The following SRGAP2B variants were observed in gnomAD, a reference collection of about 807,000 sequenced individuals.
The protein encoded by SRGAP2B is SLIT-ROBO Rho GTPase-activating protein 2B.
In SRGAP2B, 9 loss-of-function variants were observed where a neutral mutation model predicts 22.2. The ratio of observed to expected loss-of-function variants is 0.41; its 90% confidence interval spans 0.24 to 0.71. SRGAP2B has a LOEUF of 0.71. SRGAP2B is among the 30% of genes least tolerant of loss of function. SRGAP2B has a pLI of 0.35. For missense variants in SRGAP2B, 114 were observed against 235.8 expected (o/e 0.48, Z 3.38); for synonymous variants, 36 against 87.4 (o/e 0.41, Z 3.28).
chr1:144,993,221 C>A (rs1670395642), intron 3 of SRGAP2B, among the ~76,000 whole-genome samples: 1 of 151,046 alleles, frequency 6.6e-6, no homozygotes, highest in Non-Finnish European at 1.5e-5. Context: ...TGTAGAGGGG[C>A]TTAAAGACCA....
chr1:145,030,722 AT>A (rs1440120990), intron 2 of SRGAP2B, among the ~76,000 whole-genome samples: 307 of 28,836 alleles, frequency 0.011, no homozygotes, highest in Middle Eastern at 0.017. Flanking sequence ...AAAAAAAAAA[AT>A]ATATATATAT....
At chr1:144,905,034 C>T (rs1451440456) in intron 7 of SRGAP2B, 57 bp downstream of exon 7, 25 of 717,992 alleles carry the variant, frequency 3.5e-5, no homozygotes, top group African/African-American at 1.1e-4. Context: ...GAATGTCTGA[C>T]GAGTATTCTG....
chr1:144,925,618 TG>T (rs1664613135), intron 4 of SRGAP2B, among the ~76,000 whole-genome samples: 1 of 121,236 alleles, frequency 8.2e-6, no homozygotes, highest in Non-Finnish European at 1.6e-5. Flanking sequence ...CCCTCCAGCC[TG>T]GGTGACAGAG....
intron 2 of SRGAP2B, among the ~76,000 whole-genome samples, chr1:145,039,334 G>A: frequency 2.4e-5 from 1 of 41,318 alleles, no homozygotes; most frequent in African/African-American, 9.0e-5. Flanking sequence ...AATTAGCTGG[G>A]CTTGGTGGCA....
chr1:145,020,998 T>G (rs1359643718), intron 2 of SRGAP2B, among the ~76,000 whole-genome samples: 1 of 150,262 alleles, frequency 6.7e-6, no homozygotes, highest in African/African-American at 2.5e-5. Context: ...GCATTTTTAG[T>G]ATTTTTCACC....
chr1:144,988,999 C>CTTTTTTTTTTTTTTTTTTTTTTTTTTT (rs3062880), intron 3 of SRGAP2B, among the ~76,000 whole-genome samples: 1 of 55,082 alleles, frequency 1.8e-5, no homozygotes, highest in Non-Finnish European at 3.0e-5. Flanking sequence ...ACTCCCCCCA[C>CTTTTTTTTTTTTTTTTTTTTTTTTTTT]TTTTTTTTTT....
At chr1:144,910,618 G>A (rs1407941802) in intron 5 of SRGAP2B, among the ~76,000 whole-genome samples, 1 of 134,232 alleles carries the variant, frequency 7.4e-6, no homozygotes, top group Non-Finnish European at 1.6e-5. Flanking sequence ...CAATTCTAGA[G>A]CTTCCTTGAC....
At chr1:144,951,165 T>A (rs1666828532) in intron 4 of SRGAP2B, among the ~76,000 whole-genome samples, 1 of 149,936 alleles carries the variant, frequency 6.7e-6, no homozygotes, top group Non-Finnish European at 1.5e-5. Flanking sequence ...TTGTTTTTTG[T>A]TTTTTGTTTT....
chr1:144,888,765 T>C (rs2101647890), exon 10 of SRGAP2B: 1 of 70,732 alleles, frequency 1.4e-5, no homozygotes, highest in Admixed American at 1.5e-4. Flanking sequence ...GACTCTCCCA[T>C]GTACGTGAAT....
At chr1:144,952,916 G>GTA (rs1666988886) in intron 4 of SRGAP2B, among the ~76,000 whole-genome samples, 2 of 149,170 alleles carry the variant, frequency 1.3e-5, no homozygotes, top group African/African-American at 5.1e-5. Flanking sequence ...TGGGATTACA[G>GTA]GAATGATCCA....
At chr1:144,966,367 C>A (rs1236223524) in intron 3 of SRGAP2B, among the ~76,000 whole-genome samples, 38 of 148,836 alleles carry the variant, frequency 2.6e-4, no homozygotes, top group South Asian at 6.3e-4. Flanking sequence ...ATTTTCAACC[C>A]AGAATTTCAT....
At chr1:144,998,662 A>C (rs1408825652) in intron 2 of SRGAP2B, among the ~76,000 whole-genome samples, 8 of 151,102 alleles carry the variant, frequency 5.3e-5, no homozygotes, top group African/African-American at 2.0e-4. Flanking sequence ...AAGGAAAAAG[A>C]AGAAAGGAAG....
chr1:144,970,661 C>A (rs6662764), intron 3 of SRGAP2B, among the ~76,000 whole-genome samples: 1,709 of 113,964 alleles, frequency 0.015, 1 homozygote, highest in African/African-American at 0.027. Context: ...AAAAAAAAAG[C>A]ATGATTCAGT....
intron 3 of SRGAP2B, among the ~76,000 whole-genome samples, chr1:144,974,118 C>T (rs1668733071): frequency 6.7e-6 from 1 of 150,216 alleles, no homozygotes; most frequent in Non-Finnish European, 1.5e-5. Flanking sequence ...CAACACAGTC[C>T]CATCCTGATG....
chr1:145,019,167 A>C (rs1343136299), intron 2 of SRGAP2B, among the ~76,000 whole-genome samples: 49 of 15,358 alleles, frequency 3.2e-3, no homozygotes, highest in Middle Eastern at 0.056. Context: ...AAATAAGGAG[A>C]CCTTGTCTCT....
chr1:144,950,896 T>G (rs1666805234), intron 4 of SRGAP2B, among the ~76,000 whole-genome samples: 1 of 150,848 alleles, frequency 6.6e-6, no homozygotes. Flanking sequence ...TTGCCTAGAC[T>G]GAAGTGCAAC....
chr1:145,015,647 T>C (rs1162282788), intron 2 of SRGAP2B, among the ~76,000 whole-genome samples: 1 of 149,434 alleles, frequency 6.7e-6, no homozygotes, highest in Non-Finnish European at 1.5e-5. Flanking sequence ...GAATTACCTA[T>C]GGGAAGAAGG....
intron 2 of SRGAP2B, among the ~76,000 whole-genome samples, chr1:145,008,727 G>A (rs1485476879): frequency 1.6e-5 from 2 of 126,890 alleles, no homozygotes; most frequent in Non-Finnish European, 3.2e-5. Context: ...CCCAGCAACC[G>A]TCATCATTCA....
intron 4 of SRGAP2B, among the ~76,000 whole-genome samples, chr1:144,927,021 T>G (rs1553346537): frequency 8.5e-6 from 1 of 117,244 alleles, no homozygotes; most frequent in African/African-American, 3.5e-5. Flanking sequence ...ATGATCTCGT[T>G]TCACTGCAAG....
Sources: gnomAD v4.1 joint callset for allele counts (sites outside exome capture counted in the v4.1 genomes callset) on GRCh38, gnomAD v4.1.1 for gene constraint, MANE v1.5 for transcripts, NCBI Gene and HGNC (gene_info 2026-07-23, HGNC 2026-07-21) for gene names.